CACNA2D3: variants seen among roughly 807,000 people sequenced by gnomAD.
The protein encoded by CACNA2D3 is voltage-dependent calcium channel subunit alpha-2/delta-3.
Under a neutral mutation model 160.6 loss-of-function variants are expected in CACNA2D3, and 60 were observed. The observed-to-expected ratio is 0.37, with a 90% CI of 0.30 to 0.46. The LOEUF is 0.46. CACNA2D3 is among the 20% of genes least tolerant of loss of function. The probability of loss-of-function intolerance (pLI) is 1.00; values close to 1 mark genes in which losing one functional copy is unlikely to be tolerated. For missense variants in CACNA2D3, 1,205 were observed against 1,365.0 expected (o/e 0.88, Z 1.85); for synonymous variants, 558 against 492.9 (o/e 1.13, Z -1.75).
At chr3:54,184,954 T>TA (rs1462644203) in intron 2 of CACNA2D3, among the ~76,000 whole-genome samples, 1 of 152,168 alleles carries the variant, frequency 6.6e-6, no homozygotes, top group Non-Finnish European at 1.5e-5. Context: ...GGGAAGCCCT[T>TA]ACGGGAGGAT....
chr3:54,125,801 G>T (rs141947663), intron 2 of CACNA2D3, among the ~76,000 whole-genome samples: 2 of 152,214 alleles, frequency 1.3e-5, no homozygotes, highest in East Asian at 3.9e-4. Context: ...CAGAGTGTAG[G>T]AGACATAACA....
chr3:54,794,694 G>GT (rs1702832681), intron 13 of CACNA2D3, among the ~76,000 whole-genome samples: 2 of 149,370 alleles, frequency 1.3e-5, no homozygotes, highest in Admixed American at 1.3e-4. Flanking sequence ...GTTTACAGTT[G>GT]TTTTCTTATA....
chr3:54,890,281 T>G (rs1219126498), intron 24 of CACNA2D3, among the ~76,000 whole-genome samples: 1 of 151,942 alleles, frequency 6.6e-6, no homozygotes, highest in Non-Finnish European at 1.5e-5. Flanking sequence ...CAGATCACAA[T>G]GGCAGGAGAT....
rs199707593 is a variant in CACNA2D3, at chr3:54,794,605, AT to A, written c.1381-22234del. Among the ~76,000 whole-genome samples, 914 of 140,722 alleles carry A rather than the reference AT, an allele frequency of 6.5e-3. 18 individuals are homozygous for A. Among genetic ancestry groups the A allele is most frequent in the East Asian group, 0.058 (283 of 4,838 alleles). 92.3% of individuals were successfully genotyped at this position (140,722 alleles called of 152,430 possible). A position where few individuals can be genotyped will look rare whatever the true frequency, so the allele number is the denominator to read the frequency against. On this transcript the variant is annotated intron_variant, in intron 13 of 37. Transcript: ENST00000474759. ...GCTGGCAGTGAGTTCTCTCAGATAT[AT>A]TTTTTTTTTTTTTGGTATGAAAGCA...
chr3:54,653,680 A>G (rs1388421446), intron 11 of CACNA2D3, among the ~76,000 whole-genome samples: 1 of 152,208 alleles, frequency 6.6e-6, no homozygotes, highest in Non-Finnish European at 1.5e-5. Flanking sequence ...CAAGTTAGGA[A>G]CGAAGCCACT....
At chr3:54,653,225 A>G (rs1456626236) in intron 11 of CACNA2D3, among the ~76,000 whole-genome samples, 1 of 152,260 alleles carries the variant, frequency 6.6e-6, no homozygotes, top group East Asian at 1.9e-4. Context: ...CACCTGATTA[A>G]AAAGGGTGGG....
intron 4 of CACNA2D3, among the ~76,000 whole-genome samples, chr3:54,451,222 T>C (rs1035005835): frequency 5.3e-5 from 7 of 131,468 alleles, no homozygotes; most frequent in Non-Finnish European, 9.5e-5. Flanking sequence ...TCTGCTGATA[T>C]AATAATCTTT....
chr3:54,242,817 G>A (rs1361040301), intron 2 of CACNA2D3, among the ~76,000 whole-genome samples: 1 of 152,212 alleles, frequency 6.6e-6, no homozygotes, highest in Admixed American at 6.5e-5. Context: ...CAAAACCGTG[G>A]ATAAGGGGGA....
chr3:54,236,759 A>C (rs1701885979), intron 2 of CACNA2D3, among the ~76,000 whole-genome samples: 1 of 152,306 alleles, frequency 6.6e-6, no homozygotes, highest in African/African-American at 2.4e-5. Flanking sequence ...TGGTCAAGCC[A>C]TGCTGCCCTG....
At chr3:54,793,696 A>C (rs1051755489) in intron 13 of CACNA2D3, among the ~76,000 whole-genome samples, 2 of 152,190 alleles carry the variant, frequency 1.3e-5, no homozygotes, top group African/African-American at 4.8e-5. Context: ...TTTGTAGAGA[A>C]AGCTGGGTTG....
Position 54,869,540 on chromosome 3 carries a change from C to T in CACNA2D3, c.1627-1999C>T, listed in dbSNP as rs563827070. Among the ~76,000 whole-genome samples the T allele has an allele frequency of 1.4e-4, 21 of 152,268 alleles. No individual in the cohort carries two copies. In the East Asian group the frequency reaches 3.9e-3, roughly 28 times the overall value. The stretch of plus-strand genomic sequence containing the variant: ...AAAGAAAGAACTTCCTCAAAATAGA[C>T]AGTTTAGATCCAGTATCAGGCTACC... On this transcript the variant is annotated intron_variant, in intron 17 of 37. Coordinates refer to ENST00000474759, the MANE Select transcript of CACNA2D3 (RefSeq NM_018398.3).
intron 2 of CACNA2D3, among the ~76,000 whole-genome samples, chr3:54,239,095 C>T (rs960028144): frequency 6.6e-6 from 1 of 151,994 alleles, no homozygotes; most frequent in Non-Finnish European, 1.5e-5. Flanking sequence ...GGTGTCTGAC[C>T]CTGTGGCTAG....
intron 14 of CACNA2D3, among the ~76,000 whole-genome samples, chr3:54,835,161 T>G (rs1349841661): frequency 6.6e-6 from 1 of 152,134 alleles, no homozygotes; most frequent in East Asian, 1.9e-4. Context: ...ATTTTACTTG[T>G]CACGGAGGGA....
At chr3:54,746,678 G>T (rs1008700091) in intron 11 of CACNA2D3, among the ~76,000 whole-genome samples, 1 of 152,194 alleles carries the variant, frequency 6.6e-6, no homozygotes, top group Non-Finnish European at 1.5e-5. Context: ...GAATGGATTT[G>T]TAGTTAAATG....
intron 11 of CACNA2D3, among the ~76,000 whole-genome samples, chr3:54,690,281 A>G (rs1559550532): frequency 6.6e-6 from 1 of 151,946 alleles, no homozygotes. Context: ...ATGCTTCTCA[A>G]TTTGCTTAAT....
chr3:54,174,837 A>G (rs1485978319), intron 2 of CACNA2D3, among the ~76,000 whole-genome samples: 9 of 152,242 alleles, frequency 5.9e-5, no homozygotes, highest in Admixed American at 4.6e-4. Context: ...AAGTTGGACT[A>G]TTTTGAAGAA....
At chr3:54,833,958 C>G (rs1411021875) in intron 14 of CACNA2D3, among the ~76,000 whole-genome samples, 2 of 152,112 alleles carry the variant, frequency 1.3e-5, no homozygotes, top group African/African-American at 4.8e-5. Flanking sequence ...TGAACTGTTG[C>G]CAGACTGAAC....
intron 4 of CACNA2D3, among the ~76,000 whole-genome samples, chr3:54,460,866 GA>G: frequency 6.6e-6 from 1 of 152,292 alleles, no homozygotes. Context: ...TTTTCAAAGG[GA>G]ATGCTTCCAG....
chr3:54,602,034 G>A (rs34983676), intron 9 of CACNA2D3, among the ~76,000 whole-genome samples: 40,138 of 151,846 alleles, frequency 0.26, 6,371 homozygotes, highest in Admixed American at 0.43. Context: ...TTTATGTAGA[G>A]AAAAAAATGT....
Sources: gnomAD v4.1 joint callset for allele counts (sites outside exome capture counted in the v4.1 genomes callset) on GRCh38, gnomAD v4.1.1 for gene constraint, MANE v1.5 for transcripts, NCBI Gene and HGNC (gene_info 2026-07-23, HGNC 2026-07-21) for gene names.